Variants in MEI4 observed in about 807,000 individuals in gnomAD.
The protein encoded by MEI4 is meiotic double-stranded break formation protein 4, also known as meiosis-specific protein MEI4.
In MEI4, 27 loss-of-function variants were observed where a neutral mutation model predicts 31.4. The observed-to-expected ratio is 0.86, with a 90% CI of 0.63 to 1.19. The LOEUF (loss-of-function observed/expected upper bound fraction) is 1.19. Among genes scored for constraint, MEI4 ranks in the 50% most tolerant of loss-of-function variants. The probability of loss-of-function intolerance (pLI) is 0.00; values close to 1 mark genes in which losing one functional copy is unlikely to be tolerated. For missense variants in MEI4, 329 were observed against 398.9 expected, an observed-to-expected ratio of 0.82 and a Z score of 1.49; for synonymous variants, 122 against 145.4, an observed-to-expected ratio of 0.84 and a Z score of 1.16.
At chr6:77,917,432 G>GT (rs1766587272) in intron 4 of MEI4, among the ~76,000 whole-genome samples, 1 of 150,552 alleles carries the variant, frequency 6.6e-6, no homozygotes, top group African/African-American at 2.5e-5. Flanking sequence ...TCCAACACCT[G>GT]TTGTTTCCTG....
chr6:77,739,561 G>T (rs1360834762), intron 2 of MEI4, among the ~76,000 whole-genome samples: 3 of 152,094 alleles, frequency 2.0e-5, no homozygotes, highest in Admixed American at 2.0e-4. Context: ...ATCACACACT[G>T]GGCCTGTCAG....
rs567382945 is a variant in MEI4 at position 77,777,665 on chromosome 6, C to T, written c.768+16000C>T. Among the ~76,000 whole-genome samples the T allele has an allele frequency of 3.6e-4, 55 of 152,232 alleles. 1 individual carries two copies. Among genetic ancestry groups the T allele is most frequent in the African/African-American group, 1.3e-3 (52 of 41,540 alleles). On this transcript the variant is annotated intron_variant, in intron 3 of 4. Transcript: ENST00000684080. Reference sequence around the variant, plus strand: ...CAAGAGCTTCTAGTTAGCTTTCAGTCCTTGCTCTTAAGTATACCCATATAA... The same window carrying T: ...CAAGAGCTTCTAGTTAGCTTTCAGTTCTTGCTCTTAAGTATACCCATATAA...
At chr6:77,882,449 T>A (rs1162055106) in intron 4 of MEI4, among the ~76,000 whole-genome samples, 2 of 152,238 alleles carry the variant, frequency 1.3e-5, no homozygotes, top group Non-Finnish European at 2.9e-5. Flanking sequence ...ATTGAGTTTC[T>A]TTCCCACTCT....
intron 4 of MEI4, among the ~76,000 whole-genome samples, chr6:77,875,152 A>G (rs1771302576): frequency 6.6e-6 from 1 of 152,154 alleles, no homozygotes; most frequent in Non-Finnish European, 1.5e-5. Context: ...GGGTCCCATC[A>G]TGGATATGTC....
At chr6:77,914,023 A>T in intron 4 of MEI4, among the ~76,000 whole-genome samples, 1 of 108,436 alleles carries the variant, frequency 9.2e-6, no homozygotes. Flanking sequence ...AGCAGAGTGA[A>T]ACTGTTTCAA....
rs894383847 is a variant in MEI4, at chr6:77,736,238, C to G, written c.233-24892C>G. 2.0e-5 allele frequency among the ~76,000 whole-genome samples: 3 copies of G among 152,118 alleles called. No homozygotes were observed. The South Asian group carries it at 6.2e-4, about 32-fold the overall frequency. ...GGCGGGCGCCCCTCCCCCAACCTTG[C>G]TGCCCCCTTGCAGTTTGATCTCAGA... On this transcript the variant is annotated intron_variant, in intron 2 of 4. Transcript: ENST00000684080.
chr6:77,914,650 C>A (rs1056572269), intron 4 of MEI4, among the ~76,000 whole-genome samples: 2 of 152,002 alleles, frequency 1.3e-5, no homozygotes, highest in African/African-American at 4.8e-5. Context: ...TCTAGATAAT[C>A]CGTCTAATGC....
At chr6:77,651,260 G>A (rs570562977), upstream of MEI4, among the ~76,000 whole-genome samples, 11 of 152,296 alleles carry the variant, frequency 7.2e-5, no homozygotes, top group South Asian at 1.9e-3. Flanking sequence ...ATAAAGGCAG[G>A]AAGCCACATA....
At chr6:77,743,700 C>T (rs1227532489) in intron 2 of MEI4, among the ~76,000 whole-genome samples, 1 of 152,200 alleles carries the variant, frequency 6.6e-6, no homozygotes, top group Non-Finnish European at 1.5e-5. Flanking sequence ...CCCGAGCAGC[C>T]TAACTGGGAG....
chr6:77,814,270 A>C (rs1022183156), intron 3 of MEI4, among the ~76,000 whole-genome samples: 1 of 152,184 alleles, frequency 6.6e-6, no homozygotes, highest in African/African-American at 2.4e-5. Flanking sequence ...GTTACAAAGC[A>C]GGCAACAGTT....
intron 4 of MEI4, among the ~76,000 whole-genome samples, chr6:77,877,824 A>T (rs1379438582): frequency 6.6e-6 from 1 of 150,962 alleles, no homozygotes; most frequent in Non-Finnish European, 1.5e-5. Flanking sequence ...TCTTATTGAG[A>T]CACAATAAGA....
chr6:77,761,392 A>T lies in MEI4; in HGVS notation c.495A>T (p.Glu165Asp). 1 of 1,232,236 alleles carries T rather than the reference A, an allele frequency of 8.1e-7. No individual in the cohort carries two copies. The highest frequency in any genetic ancestry group is 4.2e-5 in the Admixed American group (1 of 23,710). 76.3% of individuals were successfully genotyped at this position (1,232,236 alleles called of 1,614,324 possible). The change falls in exon 3 of 5, where the codon GAA (glutamate) becomes GAT (aspartate). Residue 165 changes from glutamate (E) to aspartate (D), a missense_variant. Physicochemically the swap from Glu to Asp is conservative, Grantham distance 45. Transcript: ENST00000684080. ...TACTTGAATTAAAGAACTTGACAGA[A>T]TCAGGTAATCTTAAAAGAGACTTAA... ...QYLLELKNLT[E>D]SGNLKRDLTH...
intron 3 of MEI4, among the ~76,000 whole-genome samples, chr6:77,800,822 T>A (rs1769234087): frequency 6.6e-6 from 1 of 152,078 alleles, no homozygotes; most frequent in African/African-American, 2.4e-5. Context: ...TGAACCAGCC[T>A]TGTATCCCAG....
Position 77,923,391 on chromosome 6 carries a change from G to T in MEI4, c.*45G>T. 1 of 1,211,434 alleles carries T rather than the reference G, an allele frequency of 8.3e-7. No homozygotes were observed. The highest frequency in any genetic ancestry group is 1.0e-6 in the Non-Finnish European group (1 of 970,192). 75.0% of individuals were successfully genotyped at this position (1,211,434 alleles called of 1,614,324 possible). The stretch of plus-strand genomic sequence containing the variant: ...ACCACGTTTGAAGCATAATAAAGTA[G>T]AATATATGAAAATCTCATACTGAAA... On this transcript the variant is annotated 3_prime_UTR_variant, in exon 5 of 5. Coordinates refer to ENST00000684080, the MANE Select transcript of MEI4 (RefSeq NM_001322247.2).
rs79217640 is a variant in MEI4, at chr6:77,824,486, G to T, written c.769-4445G>T. ...AACTTTCTTATGGTCTCATGGTTAG[G>T]ATTAAATGATACAGTATATGTAAGC... On this transcript the variant is annotated intron_variant, in intron 3 of 4. Coordinates refer to ENST00000684080, the MANE Select transcript of MEI4 (RefSeq NM_001322247.2). Among the ~76,000 whole-genome samples the T allele has an allele frequency of 1.8e-4, 28 of 152,154 alleles. No individual in the cohort carries two copies. In the East Asian group the frequency reaches 4.2e-3, roughly 23 times the overall value.
intron 1 of MEI4, among the ~76,000 whole-genome samples, chr6:77,671,296 G>T (rs181214797): frequency 1.8e-4 from 28 of 152,152 alleles, no homozygotes; most frequent in Middle Eastern, 3.4e-3. Flanking sequence ...CTGACCTCAG[G>T]TGATCTGCCT....
At chr6:77,918,653 T>C (rs2127741635) in intron 4 of MEI4, among the ~76,000 whole-genome samples, 1 of 152,118 alleles carries the variant, frequency 6.6e-6, no homozygotes, top group South Asian at 2.1e-4. Context: ...GCTTATCACC[T>C]TAAGGAGATT....
intron 4 of MEI4, among the ~76,000 whole-genome samples, chr6:77,864,482 G>C (rs1234066240): frequency 6.6e-6 from 1 of 152,170 alleles, no homozygotes; most frequent in Non-Finnish European, 1.5e-5. Flanking sequence ...AAGAGACAAA[G>C]AAGGCCATTA....
intron 1 of MEI4, among the ~76,000 whole-genome samples, chr6:77,662,876 A>T (rs1483819660): frequency 2.0e-5 from 3 of 152,172 alleles, no homozygotes; most frequent in East Asian, 1.9e-4. Context: ...CAGATGAGGA[A>T]GAAATTTGGG....
Sources: allele counts gnomAD v4.1 joint callset (sites outside exome capture counted in the v4.1 genomes callset), GRCh38; gene constraint gnomAD v4.1.1; transcripts MANE v1.5; gene names NCBI Gene and HGNC (gene_info 2026-07-23, HGNC 2026-07-21).